The following POGLUT1 variants were observed in gnomAD, a reference collection of about 807,000 sequenced individuals.
POGLUT1 encodes the protein 9630046K23Rik.
Under a neutral mutation model 61.3 loss-of-function variants are expected in POGLUT1, and 32 were observed. The ratio of observed to expected loss-of-function variants is 0.52; its 90% CI spans 0.39 to 0.70. The LOEUF (loss-of-function observed/expected upper bound fraction) is 0.70. Ranked by LOEUF, POGLUT1 falls within the 30% of genes least tolerant of loss-of-function variation. POGLUT1 has a pLI of 0.00. For missense variants in POGLUT1, 411 were observed against 469.8 expected, an observed-to-expected ratio of 0.87 and a Z score of 1.16; for synonymous variants, 158 against 158.2, an observed-to-expected ratio of 1.00 and a Z score of 0.01.
chr3:119,479,679 GAC>G (rs1415511482), intron 4 of POGLUT1, among the ~76,000 whole-genome samples: 6 of 152,180 alleles, frequency 3.9e-5, no homozygotes, highest in Non-Finnish European at 8.8e-5. Context: ...AAACTGGTAA[GAC>G]AGTGTAAACT....
At chr3:119,478,903 AAG>A (rs1491377014) in intron 4 of POGLUT1, among the ~76,000 whole-genome samples, 795 of 71,906 alleles carry the variant, frequency 0.011, 3 homozygotes, top group Non-Finnish European at 0.016. Context: ...AAAAAAAAAA[AAG>A]GGGGGAACAT....
At chr3:119,484,670 A>C (rs933902565) in intron 5 of POGLUT1, among the ~76,000 whole-genome samples, 1 of 152,176 alleles carries the variant, frequency 6.6e-6, no homozygotes, top group African/African-American at 2.4e-5. Context: ...AGTTCTGTAC[A>C]CATAATTAAT....
Position 119,494,283 on chromosome 3 carries a change from A to G in POGLUT1, c.*1845A>G, listed in dbSNP as rs566466554. 1.3e-5 allele frequency: 2 copies of G among 152,482 alleles called. No homozygotes were observed. Among genetic ancestry groups the G allele is most frequent in the East Asian group, 3.9e-4 (2 of 5,182 alleles). The allele number at this position is 152,482 out of a possible 1,614,324, so 9.4% of individuals were successfully genotyped here. The stretch of plus-strand genomic sequence containing the variant: ...AGCACAGTGCCTCACACAAAGAACT[A>G]TTGGGTGGGTGGATGGATGGATGGA... On this transcript the variant is annotated 3_prime_UTR_variant, in exon 11 of 11. Coordinates refer to ENST00000295588, the MANE Select transcript of POGLUT1 (RefSeq NM_152305.3).
Position 119,492,988 on chromosome 3 carries a change from T to C in POGLUT1, c.*550T>C, listed in dbSNP as rs2081770411. 1.3e-5 allele frequency: 2 copies of C among 152,638 alleles called. No homozygotes were observed. Among genetic ancestry groups the C allele is most frequent in the Admixed American group, 1.3e-4 (2 of 15,280 alleles). 9.5% of individuals were successfully genotyped at this position (152,638 alleles called of 1,614,324 possible). A position where few individuals can be genotyped will look rare whatever the true frequency, so the allele number is the denominator to read the frequency against. On this transcript the variant is annotated 3_prime_UTR_variant, in exon 11 of 11. Transcript: ENST00000295588. ...AAGCGGTAGCCATGCCATGCAATGATGTAGGAGTTCTCTTTTGTAAAACCA... is the reference window on the plus strand; with the variant it reads ...AAGCGGTAGCCATGCCATGCAATGACGTAGGAGTTCTCTTTTGTAAAACCA...
intron 7 of POGLUT1, chr3:119,487,159 C>A: frequency 1.9e-6 from 1 of 514,454 alleles, no homozygotes; most frequent in Admixed American, 3.2e-5. Context: ...AAGGTTTAAA[C>A]CAGGGGTCAC....
At chr3:119,471,575 T>C (rs2081474825) in intron 3 of POGLUT1, 123 bp downstream of exon 3, 5 of 891,648 alleles carry the variant, frequency 5.6e-6, no homozygotes, top group Non-Finnish European at 9.2e-6. Flanking sequence ...AGGCGGACTA[T>C]GAAATAGTGA....
chr3:119,478,408 T>C, intron 4 of POGLUT1: 1 of 456,704 alleles, frequency 2.2e-6, no homozygotes, highest in South Asian at 1.5e-5. Context: ...TAGCCTCATT[T>C]CTCGAAAGTG....
chr3:119,484,411 C>T (rs189888684), intron 5 of POGLUT1, among the ~76,000 whole-genome samples: 6 of 152,178 alleles, frequency 3.9e-5, no homozygotes, highest in Non-Finnish European at 7.4e-5. Context: ...AGGGTTCCTA[C>T]GAAGCAAGTT....
chr3:119,475,954 C>CCGCA (rs2081531336), intron 3 of POGLUT1, among the ~76,000 whole-genome samples: 1 of 130,852 alleles, frequency 7.6e-6, no homozygotes, highest in Non-Finnish European at 1.6e-5. Flanking sequence ...GACTGTCTCT[C>CCGCA]CACACACACA....
chr3:119,469,327 G>A, intron 1 of POGLUT1: 1 of 588,502 alleles, frequency 1.7e-6, no homozygotes, highest in Admixed American at 3.1e-5. Flanking sequence ...AATTCAGAAT[G>A]ACAGGGAGGA....
chr3:119,477,553 A>C (rs2081553896), intron 4 of POGLUT1, 105 bp downstream of exon 4: 1 of 1,082,634 alleles, frequency 9.2e-7, no homozygotes, highest in East Asian at 2.4e-5. Context: ...GGTAAGGATG[A>C]GGACTGAGGT....
intron 9 of POGLUT1, 104 bp downstream of exon 9, chr3:119,490,822 C>A: frequency 1.0e-6 from 1 of 959,380 alleles, no homozygotes; most frequent in Non-Finnish European, 1.5e-6. Flanking sequence ...TTTAGTCCTA[C>A]GATTTTTTTC....
At chr3:119,471,725 G>T in intron 3 of POGLUT1, 1 of 411,462 alleles carries the variant, frequency 2.4e-6, no homozygotes, top group Non-Finnish European at 4.5e-6. Context: ...AGTAGCGGCA[G>T]GACACAGGCT....
intron 3 of POGLUT1, among the ~76,000 whole-genome samples, chr3:119,472,749 G>C (rs1363317918): frequency 6.6e-6 from 1 of 152,012 alleles, no homozygotes; most frequent in African/African-American, 2.4e-5. Context: ...CAAGAAAACA[G>C]GCTGGGCATG....
Position 119,490,627 on chromosome 3 carries a change from C to G in POGLUT1, c.874C>G (p.His292Asp). 6.2e-7 allele frequency: 1 copy of G among 1,614,048 alleles called. No homozygotes were observed. The highest frequency in any genetic ancestry group is 1.1e-5 in the South Asian group (1 of 91,088). The change falls in exon 9 of 11, where the codon CAT becomes GAT. Residue 292 changes from histidine to aspartate, a missense_variant. Transcript: ENST00000295588. ...HLFLCGSLVF[H>D]VGDEWLEFFY... ...CTTCCTGTGTGGCTCACTTGTTTTC[C>G]ATGTTGGTGATGAGTGGCTAGAATT...
intron 8 of POGLUT1, 139 bp from the exon 9 acceptor site, chr3:119,490,412 T>C: frequency 8.2e-6 from 6 of 730,184 alleles, no homozygotes; most frequent in Non-Finnish European, 1.4e-5. Flanking sequence ...CATATTAATG[T>C]GTCCTTGAAA....
Position 119,490,537 on chromosome 3 carries a change from T to A in POGLUT1, c.798-14T>A. On this transcript the variant is annotated splice_polypyrimidine_tract_variant and intron_variant, in intron 8 of 10. Coordinates refer to ENST00000295588, the MANE Select transcript of POGLUT1 (RefSeq NM_152305.3). ...GCATATAGTATCAAATGTATTTTGT[T>A]CTTTTTTCCCCAGGTATCTGTTTAA... 1.2e-6 allele frequency: 2 copies of A among 1,612,378 alleles called. No individual in the cohort carries two copies. The highest frequency in any genetic ancestry group is 1.7e-6 in the Non-Finnish European group (2 of 1,178,826).
intron 7 of POGLUT1, among the ~76,000 whole-genome samples, chr3:119,487,801 A>G (rs928914266): frequency 5.3e-5 from 8 of 152,114 alleles, no homozygotes; most frequent in African/African-American, 1.9e-4. Flanking sequence ...GGTTTAAATC[A>G]ATGGTCTCAA....
intron 3 of POGLUT1, among the ~76,000 whole-genome samples, chr3:119,475,999 C>T: frequency 2.2e-5 from 2 of 90,156 alleles, no homozygotes; most frequent in South Asian, 7.8e-4. Context: ...CACACAAACA[C>T]ATACAGAGTT....
Sources: gnomAD v4.1 joint callset for allele counts (sites outside exome capture counted in the v4.1 genomes callset) on GRCh38, gnomAD v4.1.1 for gene constraint, MANE v1.5 for transcripts, NCBI Gene and HGNC (gene_info 2026-07-23, HGNC 2026-07-21) for gene names.